Variants in MS4A4A observed in about 807,000 individuals in gnomAD.
MS4A4A encodes membrane-spanning 4-domains subfamily A member 4A.
In MS4A4A, 26 loss-of-function variants were observed where a neutral mutation model predicts 28.0. That is an observed-to-expected ratio of 0.93 (90% CI 0.68 to 1.29). MS4A4A has a LOEUF of 1.29. Ranked by LOEUF, MS4A4A falls within the 50% of genes most tolerant of loss-of-function variation. The pLI, the probability that MS4A4A is intolerant of heterozygous loss-of-function variation, is 0.00. For synonymous variants in MS4A4A, 86 were observed against 100.8 expected, an observed-to-expected ratio of 0.85 and a Z score of 0.88; for missense variants, 290 against 293.1, an observed-to-expected ratio of 0.99 and a Z score of 0.08.
intron 2 of MS4A4A, among the ~76,000 whole-genome samples, chr11:60,293,132 A>G (rs1350044344): frequency 6.6e-6 from 1 of 152,168 alleles, no homozygotes; most frequent in Non-Finnish European, 1.5e-5. Context: ...ATCTGGGCTC[A>G]CTGCAACCTC....
chr11:60,282,790 AT>A, intron 1 of MS4A4A: 1 of 1,190,958 alleles, frequency 8.4e-7, no homozygotes. Flanking sequence ...TGTTATCAAC[AT>A]TAAAAATTTT....
chr11:60,304,437 C>T (rs1475558328), intron 5 of MS4A4A, among the ~76,000 whole-genome samples: 1 of 152,212 alleles, frequency 6.6e-6, no homozygotes, highest in Non-Finnish European at 1.5e-5. Flanking sequence ...TCATCTCAAT[C>T]ACCTTTCCCA....
In MS4A4A at chr11:60,308,907, A is replaced by T. The variant is rs1223178517; in HGVS notation, c.*729A>T. Reference sequence around the variant, plus strand: ...TTAATCATATATGGAAATGTGCAACATATGGTATTTGTTAAATACGTTTGT... The same window carrying T: ...TTAATCATATATGGAAATGTGCAACTTATGGTATTTGTTAAATACGTTTGT... On this transcript the variant is annotated 3_prime_UTR_variant, in exon 7 of 7. Coordinates refer to ENST00000337908, the MANE Select transcript of MS4A4A (RefSeq NM_148975.3). The T allele has an allele frequency of 6.6e-6, 1 of 152,256 alleles. No homozygotes were observed. The highest frequency in any genetic ancestry group is 1.5e-5 in the Non-Finnish European group (1 of 68,046). 9.4% of individuals were successfully genotyped at this position (152,256 alleles called of 1,614,324 possible).
Position 60,306,122 on chromosome 11 carries a change from T to C in MS4A4A, c.569T>C (p.Leu190Pro). The change falls in exon 6 of 7, where the codon CTC becomes CCC. Residue 190 changes from leucine (L) to proline (P), a missense_variant. Coordinates refer to ENST00000337908, the MANE Select transcript of MS4A4A (RefSeq NM_148975.3). ...ILMGLDGMVLLLSVLEFCIAV... is the reference protein window; with the variant it reads ...ILMGLDGMVLPLSVLEFCIAV... ...TAGGGTCTGGATGGCATGGTGCTCC[T>C]CCTAAGTGTGCTGGAATTCTGCATT... The C allele has an allele frequency of 6.2e-7, 1 of 1,613,840 alleles. No individual in the cohort carries two copies. The highest frequency in any genetic ancestry group is 8.5e-7 in the Non-Finnish European group (1 of 1,179,682).
In MS4A4A at chr11:60,308,429, T is replaced by C. The variant is rs2085026351; in HGVS notation, c.*251T>C. 7.5e-6 allele frequency: 3 copies of C among 400,696 alleles called. No individual in the cohort carries two copies. The highest frequency in any genetic ancestry group is 4.1e-5 in the African/African-American group (2 of 48,488). The allele number at this position is 400,696 out of a possible 1,614,324, so 24.8% of individuals were successfully genotyped here. A position where few individuals can be genotyped will look rare whatever the true frequency, so the allele number is the denominator to read the frequency against. On this transcript the variant is annotated 3_prime_UTR_variant, in exon 7 of 7. Transcript: ENST00000337908. ...TTTATCGAGAGTACTAGAAGTTAAA[T>C]TAATAAATAATGCATTTAATGAGGC...
chr11:60,304,461 AT>A (rs1221249767), intron 5 of MS4A4A, among the ~76,000 whole-genome samples: 2 of 152,182 alleles, frequency 1.3e-5, no homozygotes, highest in Non-Finnish European at 2.9e-5. Context: ...TCCATGATGA[AT>A]TCCTGTTAAT....
At chr11:60,307,973 C>A in intron 6 of MS4A4A, 134 bp from the exon 7 acceptor site, 1 of 800,172 alleles carries the variant, frequency 1.2e-6, no homozygotes, top group Non-Finnish European at 2.1e-6. Context: ...CTGAGAAACC[C>A]CACATACTTG....
chr11:60,282,572 G>A (rs1487377148), intron 1 of MS4A4A: 1 of 1,282,210 alleles, frequency 7.8e-7, no homozygotes, highest in Non-Finnish European at 1.0e-6. Context: ...TGATGTGGTG[G>A]GTTTGTTTTT....
chr11:60,304,916 G>T (rs2084984855), intron 5 of MS4A4A, among the ~76,000 whole-genome samples: 1 of 152,190 alleles, frequency 6.6e-6, no homozygotes. Flanking sequence ...GAAACACAGA[G>T]GCCACTACAG....
Position 60,283,868 on chromosome 11 carries a change from G to A in MS4A4A, c.41+3152G>A, listed in dbSNP as rs191111228. Among the ~76,000 whole-genome samples the A allele has an allele frequency of 3.7e-3, 567 of 152,262 alleles. 3 individuals are homozygous for A. The highest frequency in any genetic ancestry group is 6.9e-3 in the Non-Finnish European group (468 of 68,016). On this transcript the variant is annotated intron_variant, in intron 1 of 6. Coordinates refer to ENST00000337908, the MANE Select transcript of MS4A4A (RefSeq NM_148975.3). ...TAGGTCTGAATATACCTACTCCATC[G>A]CATATAAATGCAAACCACCTCACAA... is the stretch of plus-strand genomic sequence containing the variant.
chr11:60,289,314 A>G (rs2084830412), intron 1 of MS4A4A, among the ~76,000 whole-genome samples: 1 of 152,070 alleles, frequency 6.6e-6, no homozygotes, highest in African/African-American at 2.4e-5. Flanking sequence ...CAGTAGTAAG[A>G]TTACAGGTAT....
intron 1 of MS4A4A, among the ~76,000 whole-genome samples, chr11:60,287,651 T>C (rs2084814611): frequency 6.6e-6 from 1 of 152,182 alleles, no homozygotes; most frequent in Non-Finnish European, 1.5e-5. Context: ...CAGCATTGAC[T>C]CTAAAGTTCT....
chr11:60,281,718 G>A (rs949534673), intron 1 of MS4A4A, among the ~76,000 whole-genome samples: 3 of 152,170 alleles, frequency 2.0e-5, no homozygotes, highest in Non-Finnish European at 4.4e-5. Flanking sequence ...ATAAGAGACT[G>A]GTGGTGCTGC....
Position 60,308,183 on chromosome 11 carries a change from A to G in MS4A4A, c.*5A>G. 2 of 1,613,040 alleles carry G rather than the reference A, an allele frequency of 1.2e-6. No homozygotes were observed. The highest frequency in any genetic ancestry group is 1.7e-6 in the Non-Finnish European group (2 of 1,179,062). On this transcript the variant is annotated 3_prime_UTR_variant, in exon 7 of 7. Transcript: ENST00000337908. ...ACACCACTTAATGAGGTTTGAGGCC[A>G]CCAAAAGATCAACAGACAAATGCTC...
chr11:60,302,524 G>A lies in MS4A4A; in HGVS notation c.388-35G>A, dbSNP rs201873799. ...TCATGGAGATATATCTGAGGATGTT[G>A]TTGGATTGTTTAATTGATTTTCATT... On this transcript the variant is annotated intron_variant, in intron 4 of 6. Coordinates refer to ENST00000337908, the MANE Select transcript of MS4A4A (RefSeq NM_148975.3). 2.5e-6 allele frequency: 4 copies of A among 1,606,966 alleles called. No individual in the cohort carries two copies. In the South Asian group the frequency reaches 3.3e-5, roughly 13 times the overall value.
In MS4A4A at chr11:60,296,744, C is replaced by T. The variant is rs373131904; in HGVS notation, c.202-453C>T. 8.1e-4 allele frequency: 172 copies of T among 212,918 alleles called. 2 individuals are homozygous for T. The South Asian group carries it at 0.013, about 16-fold the overall frequency. 13.2% of individuals were successfully genotyped at this position (212,918 alleles called of 1,614,324 possible). The stretch of plus-strand genomic sequence containing the variant: ...ACGTTTAGATCCCTGTGTACTCATA[C>T]TTGTGTCCTCATACCCCAGACTTCA... On this transcript the variant is annotated intron_variant, in intron 2 of 6. Transcript: ENST00000337908.
intron 1 of MS4A4A, among the ~76,000 whole-genome samples, chr11:60,283,137 GGC>G (rs2084771065): frequency 6.6e-6 from 1 of 152,188 alleles, no homozygotes; most frequent in Admixed American, 6.5e-5. Flanking sequence ...GTGTTGCCCA[GGC>G]TGGAGTACCC....
At chr11:60,298,496 T>C (rs916401656) in intron 3 of MS4A4A, among the ~76,000 whole-genome samples, 1 of 152,256 alleles carries the variant, frequency 6.6e-6, no homozygotes, top group Non-Finnish European at 1.5e-5. Context: ...GTGCTTTATA[T>C]GTGCAATTTC....
chr11:60,305,452 A>G (rs1039602237), intron 5 of MS4A4A, among the ~76,000 whole-genome samples: 1 of 152,166 alleles, frequency 6.6e-6, no homozygotes, highest in African/African-American at 2.4e-5. Flanking sequence ...TAGGCTGCCT[A>G]TGTTGCTTGG....
Sources: allele counts gnomAD v4.1 joint callset (sites outside exome capture counted in the v4.1 genomes callset), GRCh38; gene constraint gnomAD v4.1.1; transcripts MANE v1.5; gene names NCBI Gene and HGNC (gene_info 2026-07-23, HGNC 2026-07-21).